The following ZDHHC8 variants were observed in gnomAD, a reference collection of about 807,000 sequenced individuals.
The protein encoded by ZDHHC8 is palmitoyltransferase ZDHHC8.
In ZDHHC8, 24 loss-of-function variants were observed where a neutral mutation model predicts 61.2. The observed-to-expected ratio is 0.39, with a 90% CI of 0.28 to 0.55. ZDHHC8 has a LOEUF of 0.55. Ranked by LOEUF, ZDHHC8 falls within the 20% of genes least tolerant of loss-of-function variation. The pLI is 0.60. For synonymous variants in ZDHHC8, 523 were observed against 492.5 expected (o/e 1.06, Z -0.82); for missense variants, 935 against 1,102.1 (o/e 0.85, Z 2.15).
rs1219588170 is a variant in ZDHHC8 at position 20,139,612 on chromosome 22, A to G, written c.361A>G (p.Ser121Gly). 6.2e-7 allele frequency: 1 copy of G among 1,613,010 alleles called. No individual in the cohort carries two copies. The highest frequency in any genetic ancestry group is 2.2e-5 in the East Asian group (1 of 44,898). Residue 121 changes from serine to glycine, a missense_variant, in exon 3 of 11, where the codon AGC becomes GGC. Physicochemically the swap from Ser to Gly is moderately conservative, Grantham distance 56 (BLOSUM62 0). This residue lies in a region of ZDHHC8 where 199 missense variants were observed against 334.0 expected (regional missense o/e 0.60). Coordinates refer to ENST00000334554, the MANE Select transcript of ZDHHC8 (RefSeq NM_013373.4). ...FYRPPRCSHC[S>G]VCDNCVEDFD... ...CCGCCCGCCGCGCTGCTCCCACTGC[A>G]GCGTCTGTGACAACTGTGTAGAGGT...
At position 20,143,703 on chromosome 22, in the gene ZDHHC8, C is replaced by T. The variant is rs1364889789; in HGVS notation, c.2073C>T (p.Val691=). 27 of 1,610,358 alleles carry T rather than the reference C, an allele frequency of 1.7e-5. No individual in the cohort carries two copies. The highest frequency in any genetic ancestry group is 5.5e-5 in the South Asian group (5 of 90,902). Residue 691 remains valine (V), a synonymous_variant, in exon 10 of 11, where the codon GTC becomes GTT. Coordinates refer to ENST00000334554, the MANE Select transcript of ZDHHC8 (RefSeq NM_013373.4). ...HSPSYAGPKA[V]AFIHTDLPEP... The stretch of plus-strand genomic sequence containing the variant: ...CATCCTACGCGGGCCCCAAAGCTGT[C>T]GCCTTCATCCACACGGACCTCCCAG...
rs764082113 is a variant in ZDHHC8, at chr22:20,147,222, G to A, written c.*1822G>A. 8.8e-6 allele frequency: 13 copies of A among 1,469,734 alleles called. No homozygotes were observed. Among genetic ancestry groups the A allele is most frequent in the African/African-American group, 1.4e-5 (1 of 69,028 alleles). The allele number at this position is 1,469,734 out of a possible 1,614,324, so 91.0% of individuals were successfully genotyped here. A position where few individuals can be genotyped will look rare whatever the true frequency, so the allele number is the denominator to read the frequency against. ...CCTCCAGTCTTTTCCCCAGCCTCTC[G>A]GGGCCCTAGCAGGATGACAAGTAGG... On this transcript the variant is annotated 3_prime_UTR_variant, in exon 11 of 11. Transcript: ENST00000334554.
intron 4 of ZDHHC8, 66 bp downstream of exon 4, chr22:20,139,958 G>T: frequency 6.3e-7 from 1 of 1,598,668 alleles, no homozygotes; most frequent in African/African-American, 1.3e-5. Flanking sequence ...TCACCAGGGA[G>T]ATTGAGCCTC....
intron 1 of ZDHHC8, among the ~76,000 whole-genome samples, chr22:20,133,088 G>C (rs1445984972): frequency 6.6e-6 from 1 of 152,254 alleles, no homozygotes; most frequent in African/African-American, 2.4e-5. Flanking sequence ...GCATCGCAAG[G>C]CTGAATCGGG....
At chr22:20,141,386 T>C in intron 8 of ZDHHC8, 35 bp from the exon 9 acceptor site, 1 of 1,612,126 alleles carries the variant, frequency 6.2e-7, no homozygotes, top group Non-Finnish European at 8.5e-7. Flanking sequence ...TTGACCCTCC[T>C]CTGACCTCAG....
At chr22:20,133,427 G>A (rs1175612933) in intron 1 of ZDHHC8, among the ~76,000 whole-genome samples, 1 of 152,176 alleles carries the variant, frequency 6.6e-6, no homozygotes, top group Non-Finnish European at 1.5e-5. Flanking sequence ...CCTTTCTCAT[G>A]ACTTTAAAAG....
In ZDHHC8 at chr22:20,131,894, G is replaced by A. The variant is rs2050376806; in HGVS notation, c.-54G>A. The stretch of plus-strand genomic sequence containing the variant: ...GCCCGCCCGACCCCGGCCCGACCCC[G>A]GCCGGCCCTGCCCGCCCGGCCCCGG... On this transcript the variant is annotated 5_prime_UTR_variant, in exon 1 of 11. Transcript: ENST00000334554. The A allele has an allele frequency of 3.6e-6, 1 of 276,764 alleles. No individual in the cohort carries two copies. The highest frequency in any genetic ancestry group is 5.4e-6 in the Non-Finnish European group (1 of 183,674). The allele number at this position is 276,764 out of a possible 1,614,324, so 17.1% of individuals were successfully genotyped here. A position where few individuals can be genotyped will look rare whatever the true frequency, so the allele number is the denominator to read the frequency against.
Position 20,145,612 on chromosome 22 carries a change from G to T in ZDHHC8, c.*212G>T. ...CTGCCCATGGGGAAGTCGGCTCACT[G>T]GGACAAGGGCCACTGGGCTGGTCTG... is the stretch of plus-strand genomic sequence containing the variant. On this transcript the variant is annotated 3_prime_UTR_variant, in exon 11 of 11. Transcript: ENST00000334554. The T allele has an allele frequency of 2.4e-6, 3 of 1,227,500 alleles. No homozygotes were observed. Among genetic ancestry groups the T allele is most frequent in the Non-Finnish European group, 2.0e-6 (2 of 981,204 alleles). The allele number at this position is 1,227,500 out of a possible 1,614,324, so 76.0% of individuals were successfully genotyped here. A position where few individuals can be genotyped will look rare whatever the true frequency, so the allele number is the denominator to read the frequency against.
chr22:20,142,131 T>A (rs925738642), intron 9 of ZDHHC8, among the ~76,000 whole-genome samples: 3 of 152,042 alleles, frequency 2.0e-5, no homozygotes, highest in Admixed American at 1.3e-4. Context: ...ACCAGCCCCA[T>A]CCCCAGGGAC....
chr22:20,143,419 C>G lies in ZDHHC8; in HGVS notation c.1789C>G (p.Pro597Ala), dbSNP rs1410203564. The G allele has an allele frequency of 5.0e-6, 8 of 1,595,788 alleles. No homozygotes were observed. The South Asian group carries it at 7.8e-5, about 16-fold the overall frequency. Residue 597 changes from proline to alanine, a missense_variant, in exon 10 of 11, where the codon CCC becomes GCC. Around this residue, in one of 3 missense-constraint regions of ZDHHC8, gnomAD observed 692 missense variants for 731.4 expected, o/e 0.95. Transcript: ENST00000334554. ...GCAGGCCAGTGTGCTGTCCGAGGGC[C>G]CCCGAGGTCCCGCGCTGCGCTATGG... ...LQQASVLSEG[P>A]RGPALRYGSR...
intron 1 of ZDHHC8, among the ~76,000 whole-genome samples, chr22:20,137,334 T>A (rs1211788583): frequency 6.6e-6 from 1 of 152,212 alleles, no homozygotes; most frequent in East Asian, 1.9e-4. Context: ...CCCGCCTGCC[T>A]GATGGGCGAA....
chr22:20,135,805 G>A (rs2050414716), intron 1 of ZDHHC8, among the ~76,000 whole-genome samples: 1 of 152,260 alleles, frequency 6.6e-6, no homozygotes, highest in African/African-American at 2.4e-5. Flanking sequence ...AGGCCCAAAG[G>A]CCTGGCCTGA....
At position 20,143,108 on chromosome 22, in the gene ZDHHC8, G is replaced by T; in HGVS notation, c.1478G>T (p.Cys493Phe). The T allele has an allele frequency of 6.2e-7, 1 of 1,612,310 alleles. No individual in the cohort carries two copies. The highest frequency in any genetic ancestry group is 8.5e-7 in the Non-Finnish European group (1 of 1,179,852). The change falls in exon 10 of 11, where the codon TGC becomes TTC. Residue 493 changes from cysteine (C) to phenylalanine (F), a missense_variant. Transcript: ENST00000334554. ...LNPGSPGGHA[C>F]PAHPAVGVAG... is the part of the protein sequence containing the mutation. ...CCTGGCTCGCCTGGTGGCCACGCCT[G>T]CCCTGCCCACCCAGCAGTTGGCGTG... is the stretch of plus-strand genomic sequence containing the variant.
rs765082073 is a variant in ZDHHC8 at position 20,142,920 on chromosome 22, G to A, written c.1290G>A (p.Leu430=). The A allele has an allele frequency of 5.0e-6, 8 of 1,608,002 alleles. No homozygotes were observed. The highest frequency in any genetic ancestry group is 5.9e-6 in the Non-Finnish European group (7 of 1,177,218). The change falls in exon 10 of 11, where the codon TTG becomes TTA. Residue 430 remains leucine (L), a synonymous_variant. Transcript: ENST00000334554. The part of the protein sequence containing the change: ...LSASDAFSGA[L]RSLSLKASSR... ...CCTCTGATGCCTTCTCGGGCGCTTT[G>A]CGCTCCCTGAGCCTCAAGGCCTCGA...
At chr22:20,136,917 GCTC>G (rs944543967) in intron 1 of ZDHHC8, among the ~76,000 whole-genome samples, 5 of 152,224 alleles carry the variant, frequency 3.3e-5, no homozygotes, top group African/African-American at 1.2e-4. Context: ...GCCTGCGTGT[GCTC>G]CTCATCTTCT....
intron 1 of ZDHHC8, among the ~76,000 whole-genome samples, chr22:20,138,262 T>G (rs993753152): frequency 2.6e-5 from 4 of 152,220 alleles, no homozygotes; most frequent in Non-Finnish European, 5.9e-5. Flanking sequence ...CGCAAACCCC[T>G]GTGTTCCTGT....
chr22:20,137,994 C>T (rs924757116), intron 1 of ZDHHC8, among the ~76,000 whole-genome samples: 1 of 152,258 alleles, frequency 6.6e-6, no homozygotes, highest in Non-Finnish European at 1.5e-5. Flanking sequence ...GGATGGCTGT[C>T]GTGGGAAGCG....
At position 20,147,273 on chromosome 22, in the gene ZDHHC8, G is replaced by A. The variant is rs577636969; in HGVS notation, c.*1873G>A. 11 of 1,404,266 alleles carry A rather than the reference G, an allele frequency of 7.8e-6. No homozygotes were observed. The African/African-American group carries it at 1.7e-4, about 21-fold the overall frequency. The allele number at this position is 1,404,266 out of a possible 1,614,324, so 87.0% of individuals were successfully genotyped here. A position where few individuals can be genotyped will look rare whatever the true frequency, so the allele number is the denominator to read the frequency against. The stretch of plus-strand genomic sequence containing the variant: ...CGGCTCTGGGGCCCAGGACAGCCCA[G>A]CTGGGGACCCAGGAGGTCAGACTGC... On this transcript the variant is annotated 3_prime_UTR_variant, in exon 11 of 11. Transcript: ENST00000334554.
At chr22:20,133,441 T>C (rs1431508726) in intron 1 of ZDHHC8, among the ~76,000 whole-genome samples, 2 of 152,144 alleles carry the variant, frequency 1.3e-5, no homozygotes, top group Non-Finnish European at 2.9e-5. Context: ...TTAAAAGTAA[T>C]GTGTGGGCCG....
Sources: gnomAD v4.1 joint callset for allele counts (sites outside exome capture counted in the v4.1 genomes callset) on GRCh38, gnomAD v4.1.1 for gene constraint, gnomAD v4.1.1 regional missense constraint, MANE v1.5 for transcripts, NCBI Gene and HGNC (gene_info 2026-07-23, HGNC 2026-07-21) for gene names.